BST1: variants seen among roughly 807,000 people sequenced by gnomAD.
BST1 encodes ADP-ribosyl cyclase/cyclic ADP-ribose hydrolase 2.
In BST1, 49 loss-of-function variants were observed where a neutral mutation model predicts 40.6. The ratio of observed to expected loss-of-function variants is 1.21; its 90% CI spans 0.96 to 1.53. The LOEUF is 1.53. Ranked by LOEUF, BST1 falls within the 40% of genes most tolerant of loss-of-function variation. BST1 has a pLI of 0.00. For missense variants in BST1, 423 were observed against 395.9 expected (o/e 1.07, Z -0.58); for synonymous variants, 157 against 159.3 (o/e 0.99, Z 0.11).
chr4:15,756,936 CT>C, the BST1 span, among the ~76,000 whole-genome samples: 1 of 152,206 alleles, frequency 6.6e-6, no homozygotes, highest in Admixed American at 6.5e-5. Flanking sequence ...GCAGGAGTAT[CT>C]CTGAAAAGCT....
the BST1 span, among the ~76,000 whole-genome samples, chr4:15,760,188 A>T: frequency 3.9e-5 from 6 of 151,932 alleles, no homozygotes; most frequent in South Asian, 1.2e-3. Context: ...ACAATATGTT[A>T]CTTCTTGTGA....
exon 7 of BST1, chr4:15,737,806 T>C: frequency 2.3e-6 from 3 of 1,286,018 alleles, no homozygotes; most frequent in South Asian, 2.5e-5. Context: ...GGAACCATGA[T>C]GGGGAAGATA....
chr4:15,741,855 C>A (rs1577607630), downstream of BST1, among the ~76,000 whole-genome samples: 1 of 152,294 alleles, frequency 6.6e-6, no homozygotes, highest in East Asian at 1.9e-4. Context: ...AGTAAATGTT[C>A]ATTGGCTTAT....
At chr4:15,730,834 G>A (rs1354561288) in intron 8 of BST1, 1 of 163,908 alleles carries the variant, frequency 6.1e-6, no homozygotes, top group East Asian at 1.7e-4. Context: ...AAGTGCAAAT[G>A]GGGAGACTAA....
rs969020570 is a variant in BST1, at chr4:15,727,872, C to A, written c.852-3868C>A. 5.9e-5 allele frequency among the ~76,000 whole-genome samples: 9 copies of A among 151,666 alleles called. No homozygotes were observed. In the East Asian group the frequency reaches 1.2e-3, roughly 20 times the overall value. ...GGAACTGGACTCAAATATCCACTGA[C>A]AAGTAAACAGTTACATCAAAGGGTA... On this transcript the variant is annotated intron_variant, in intron 8 of 8. Coordinates refer to ENST00000265016, the MANE Select transcript of BST1 (RefSeq NM_004334.3).
chr4:15,740,648 T>C (rs868261912), downstream of BST1, among the ~76,000 whole-genome samples: 8 of 152,170 alleles, frequency 5.3e-5, no homozygotes, highest in Middle Eastern at 3.2e-3. Flanking sequence ...TTAACAAATT[T>C]ATTAATTTGT....
chr4:15,705,814 G>C (rs186036840), intron 2 of BST1, among the ~76,000 whole-genome samples, 173 bp downstream of exon 2: 1 of 152,218 alleles, frequency 6.6e-6, no homozygotes, highest in Admixed American at 6.5e-5. Flanking sequence ...CTTTGTTTCT[G>C]TATTAGTCCG....
At chr4:15,703,990 A>ATGTG (rs371372027) in intron 1 of BST1, among the ~76,000 whole-genome samples, 1 of 67,022 alleles carries the variant, frequency 1.5e-5, no homozygotes, top group Non-Finnish European at 2.9e-5. Context: ...TGGAGGTGAG[A>ATGTG]TGTGTGTGTG....
the BST1 span, among the ~76,000 whole-genome samples, chr4:15,771,206 T>C: frequency 8.1e-5 from 12 of 148,880 alleles, no homozygotes; most frequent in Non-Finnish European, 4.6e-5. Flanking sequence ...TCTAGGTGTG[T>C]ACATTACCAA....
intron 8 of BST1, among the ~76,000 whole-genome samples, chr4:15,724,726 A>AG (rs1458210519): frequency 3.4e-5 from 5 of 148,932 alleles, no homozygotes; most frequent in Non-Finnish European, 5.9e-5. Context: ...GAGAGAGAGA[A>AG]AGAGAGCACA....
chr4:15,735,479 T>C (rs952654118), downstream of BST1, among the ~76,000 whole-genome samples: 1 of 152,184 alleles, frequency 6.6e-6, no homozygotes, highest in African/African-American at 2.4e-5. Context: ...CAAGGGAAGC[T>C]TAATAACAAG....
At chr4:15,738,972 A>G (rs545680746), downstream of BST1, among the ~76,000 whole-genome samples, 1 of 152,326 alleles carries the variant, frequency 6.6e-6, no homozygotes, top group East Asian at 1.9e-4. Context: ...CCAGGGTGAG[A>G]AAGTGGAACT....
chr4:15,722,743 T>C (rs890123708), intron 7 of BST1, 132 bp from the exon 8 acceptor site: 1 of 728,902 alleles, frequency 1.4e-6, no homozygotes, highest in African/African-American at 1.8e-5. Flanking sequence ...ACTAATATTT[T>C]TAGAGGAAAT....
chr4:15,772,697 G>C, the BST1 span, among the ~76,000 whole-genome samples: 3 of 152,218 alleles, frequency 2.0e-5, no homozygotes, highest in South Asian at 6.2e-4. Context: ...ATCGAACCTA[G>C]CTTGGGAGCT....
At chr4:15,751,246 T>C in the BST1 span, among the ~76,000 whole-genome samples, 1 of 152,154 alleles carries the variant, frequency 6.6e-6, no homozygotes, top group African/African-American at 2.4e-5. Context: ...GAAAAGTGTG[T>C]AGTCTGTGCG....
chr4:15,763,517 A>G, the BST1 span, among the ~76,000 whole-genome samples: 1 of 151,972 alleles, frequency 6.6e-6, no homozygotes, highest in African/African-American at 2.4e-5. Flanking sequence ...AATTATTTGT[A>G]GAGCTTATTA....
Position 15,707,557 on chromosome 4 carries a change from A to G in BST1, c.362A>G (p.Asp121Gly), listed in dbSNP as rs1719946715. The change falls in exon 3 of 9, where the codon GAC (aspartate) becomes GGC (glycine). Residue 121 changes from aspartate to glycine, a missense_variant. Physicochemically the swap from Asp to Gly is moderately conservative, Grantham distance 94. Coordinates refer to ENST00000265016, the MANE Select transcript of BST1 (RefSeq NM_004334.3). Reference protein sequence around the residue: ...NSHLLVNSFADNTRRFMPLSD... With the variant: ...NSHLLVNSFAGNTRRFMPLSD... ...CACCTCCTTGTTAACAGCTTTGCAG[A>G]CAACACCCGTCGTTTTATGCCCCTG... The G allele has an allele frequency of 6.2e-7, 1 of 1,613,882 alleles. No homozygotes were observed. The highest frequency in any genetic ancestry group is 1.3e-5 in the African/African-American group (1 of 74,842).
At chr4:15,771,082 T>C in the BST1 span, among the ~76,000 whole-genome samples, 1 of 152,194 alleles carries the variant, frequency 6.6e-6, no homozygotes, top group Non-Finnish European at 1.5e-5. Context: ...GTCCTTAATA[T>C]TTGTTGAATA....
At chr4:15,750,722 A>G in the BST1 span, among the ~76,000 whole-genome samples, 2 of 152,372 alleles carry the variant, frequency 1.3e-5, no homozygotes, top group Non-Finnish European at 2.9e-5. Context: ...TAATTGTTAT[A>G]TTGATTACAT....
Sources: allele counts gnomAD v4.1 joint callset (sites outside exome capture counted in the v4.1 genomes callset), GRCh38; gene constraint gnomAD v4.1.1; transcripts MANE v1.5; gene names NCBI Gene and HGNC (gene_info 2026-07-23, HGNC 2026-07-21).